Variants in ZNF273 observed in about 807,000 individuals in gnomAD.
The protein encoded by ZNF273 is zinc finger protein 273, also known as zinc finger protein 9.
A neutral mutation model predicts 14.9 loss-of-function variants in ZNF273; 11 were observed. The observed-to-expected ratio is 0.74, with a 90% CI of 0.46 to 1.22. The LOEUF is 1.22. Ranked by LOEUF, ZNF273 falls within the 50% of genes most tolerant of loss-of-function variation. The probability of loss-of-function intolerance (pLI) is 0.00; values close to 1 mark genes in which losing one functional copy is unlikely to be tolerated. For synonymous variants in ZNF273, 199 were observed against 223.9 expected (o/e 0.89, Z 0.99); for missense variants, 577 against 660.6 (o/e 0.87, Z 1.39).
At chr7:64,923,077 T>C (rs1307140709) in intron 3 of ZNF273, among the ~76,000 whole-genome samples, 1 of 152,228 alleles carries the variant, frequency 6.6e-6, no homozygotes, top group East Asian at 1.9e-4. Context: ...AGTGTTTTTA[T>C]CTTACAAAGC....
At chr7:64,896,037 GT>G (rs1450607429) in intron 3 of ZNF273, among the ~76,000 whole-genome samples, 1 of 150,888 alleles carries the variant, frequency 6.6e-6, no homozygotes, top group Non-Finnish European at 1.5e-5. Flanking sequence ...TTGAGACGGA[GT>G]CTCACTCTGT....
At chr7:64,903,498 C>G (rs1792878683) in intron 1 of ZNF273, 79 bp downstream of exon 1, 2 of 1,382,070 alleles carry the variant, frequency 1.4e-6, no homozygotes, top group Non-Finnish European at 2.0e-6. Context: ...TGGCGAGACT[C>G]CGGCCTCCCT....
At chr7:64,884,378 G>T (rs1791455131), downstream of ZNF273, among the ~76,000 whole-genome samples, 1 of 152,100 alleles carries the variant, frequency 6.6e-6, no homozygotes, top group Non-Finnish European at 1.5e-5. Context: ...TTGCTTTCAT[G>T]GGGGATCCAC....
chr7:64,895,779 T>C (rs1028216165), intron 3 of ZNF273, among the ~76,000 whole-genome samples: 8 of 152,184 alleles, frequency 5.3e-5, no homozygotes, highest in Non-Finnish European at 1.2e-4. Context: ...CTAAAAGTGG[T>C]ATATCAAGAA....
intron 3 of ZNF273, among the ~76,000 whole-genome samples, chr7:64,922,881 G>A (rs559899205): frequency 6.6e-6 from 1 of 151,958 alleles, no homozygotes; most frequent in Non-Finnish European, 1.5e-5. Flanking sequence ...CATGAGAATC[G>A]CTTGAGCTGA....
downstream of ZNF273, among the ~76,000 whole-genome samples, chr7:64,881,243 G>C (rs60779365): frequency 0.083 from 12,652 of 152,284 alleles, 671 homozygotes; most frequent in South Asian, 0.18. Flanking sequence ...ATGGACTGAG[G>C]CTGGGTGGGA....
intron 3 of ZNF273, among the ~76,000 whole-genome samples, chr7:64,921,983 G>A (rs776290788): frequency 1.3e-5 from 2 of 151,932 alleles, no homozygotes; most frequent in Non-Finnish European, 2.9e-5. Context: ...TCACCCAATT[G>A]CGGTTACTAT....
At chr7:64,919,292 C>G (rs931724771) in intron 3 of ZNF273, among the ~76,000 whole-genome samples, 5 of 152,108 alleles carry the variant, frequency 3.3e-5, no homozygotes, top group African/African-American at 1.2e-4. Flanking sequence ...TTCTTTGAAT[C>G]CATATACGTA....
At chr7:64,922,187 C>T (rs79165412) in intron 3 of ZNF273, among the ~76,000 whole-genome samples, 2 of 151,388 alleles carry the variant, frequency 1.3e-5, no homozygotes, top group African/African-American at 4.9e-5. Context: ...CCATCAACCA[C>T]GCTGGTTTGC....
chr7:64,903,209 A>G, upstream of ZNF273: 2 of 876,128 alleles, frequency 2.3e-6, no homozygotes, highest in South Asian at 1.5e-5. Context: ...CTGGGCTGGG[A>G]CCCGTCCAAT....
In ZNF273 at chr7:64,927,548, T is replaced by C. The variant is rs114273659; in HGVS notation, c.326-106T>C. Reference sequence around the variant, plus strand: ...GGAATTAGGGCCTGTGGTATTTTGCTATACCATCTTCCTTATGTAGTTTGT... The same window carrying C: ...GGAATTAGGGCCTGTGGTATTTTGCCATACCATCTTCCTTATGTAGTTTGT... On this transcript the variant is annotated intron_variant, in intron 3 of 3. Transcript: ENST00000476120. 977 of 938,912 alleles carry C rather than the reference T, an allele frequency of 1.0e-3. 12 individuals carry two copies. In the African/African-American group the frequency reaches 0.014, roughly 14 times the overall value. 58.2% of individuals were successfully genotyped at this position (938,912 alleles called of 1,614,324 possible).
chr7:64,930,480 A>G lies in ZNF273; in HGVS notation c.*1442A>G, dbSNP rs920547323. On this transcript the variant is annotated 3_prime_UTR_variant, in exon 4 of 4. Transcript: ENST00000476120. ...CTTTTCATAATGCAGTACATTTCAA[A>G]ATTTTTAGATTATGTATGAACTTAG... 5 of 152,140 alleles carry G rather than the reference A, an allele frequency of 3.3e-5. No individual in the cohort carries two copies. The highest frequency in any genetic ancestry group is 1.2e-4 in the African/African-American group (5 of 41,434). 9.4% of individuals were successfully genotyped at this position (152,140 alleles called of 1,614,324 possible).
rs1239412180 is a variant in ZNF273 at position 64,878,053 on chromosome 7, C to G, written n.215+179C>G. 2.6e-5 allele frequency among the ~76,000 whole-genome samples: 4 copies of G among 151,916 alleles called. No individual in the cohort carries two copies. The South Asian group carries it at 8.3e-4, about 32-fold the overall frequency. On this transcript the variant is annotated intron_variant and non_coding_transcript_variant, in intron 1 of 2. Transcript: ENST00000465954. ...GGGTGTGTGTGTGTTTCTGTGGGTGCGTTTAAGCGGCGTCTGCTGAAAGGA... is the reference window on the plus strand; with the variant it reads ...GGGTGTGTGTGTGTTTCTGTGGGTGGGTTTAAGCGGCGTCTGCTGAAAGGA...
downstream of ZNF273, among the ~76,000 whole-genome samples, chr7:64,934,791 T>C (rs1361881903): frequency 2.0e-5 from 3 of 152,132 alleles, no homozygotes; most frequent in African/African-American, 7.2e-5. Flanking sequence ...TACAGGATCT[T>C]TTGTGGGGTA....
intron 3 of ZNF273, chr7:64,923,339 GTT>G: frequency 2.2e-6 from 1 of 454,822 alleles, no homozygotes; most frequent in Middle Eastern, 3.3e-4. Context: ...GTGTGTGTGT[GTT>G]TTTTTATTTT....
chr7:64,924,925 C>G (rs1410331708), intron 3 of ZNF273, among the ~76,000 whole-genome samples: 2 of 151,956 alleles, frequency 1.3e-5, no homozygotes, highest in Non-Finnish European at 2.9e-5. Flanking sequence ...GTCTCAGCCT[C>G]CCAAGTAGCT....
exon 1 of ZNF273, chr7:64,877,872 T>C (rs1018474714): frequency 6.6e-6 from 1 of 152,228 alleles, no homozygotes; most frequent in African/African-American, 2.4e-5. Context: ...CTGTGATTTC[T>C]AGGTACAGCC....
Position 64,928,595 on chromosome 7 carries a change from A to G in ZNF273, c.1267A>G (p.Ile423Val). The G allele has an allele frequency of 6.2e-7, 1 of 1,613,534 alleles. No individual in the cohort carries two copies. The highest frequency in any genetic ancestry group is 1.1e-5 in the South Asian group (1 of 91,010). The stretch of plus-strand genomic sequence containing the variant: ...CACAACTCTTACTAAACATAAGAGA[A>G]TTTATACTAAAGAGAAACCATACAA... ...RSTTLTKHKR[I>V]YTKEKPYKCE... is the part of the protein sequence containing the mutation. Residue 423 changes from isoleucine to valine, a missense_variant, in exon 4 of 4, where the codon ATT becomes GTT. Coordinates refer to ENST00000476120, the MANE Select transcript of ZNF273 (RefSeq NM_021148.3).
At chr7:64,907,810 C>T (rs560508110) in intron 1 of ZNF273, among the ~76,000 whole-genome samples, 1 of 152,262 alleles carries the variant, frequency 6.6e-6, no homozygotes, top group Admixed American at 6.5e-5. Context: ...TCACACTGCC[C>T]GTTGTCCTGT....
Sources: gnomAD v4.1 joint callset for allele counts (sites outside exome capture counted in the v4.1 genomes callset) on GRCh38, gnomAD v4.1.1 for gene constraint, MANE v1.5 for transcripts, NCBI Gene and HGNC (gene_info 2026-07-23, HGNC 2026-07-21) for gene names.